TRIM64B: variants seen among roughly 807,000 people sequenced by gnomAD.
TRIM64B encodes the protein tripartite motif-containing protein 64B.
For synonymous variants in TRIM64B, 17 were observed against 190.3 expected (o/e 0.09, Z 7.50); for missense variants, 57 against 536.4 (o/e 0.11, Z 8.83).
chr11:89,877,873 T>C (rs1390187870), upstream of TRIM64B, among the ~76,000 whole-genome samples: 4 of 149,374 alleles, frequency 2.7e-5, no homozygotes, highest in East Asian at 5.9e-4. Flanking sequence ...CTGCCTGCCT[T>C]GGCCTCTCAA....
exon 6 of TRIM64B, chr11:89,870,454 TTTAA>T: frequency 2.4e-6 from 2 of 835,126 alleles, no homozygotes; most frequent in Non-Finnish European, 3.6e-6. Context: ...ATTAAAATAA[TTTAA>T]TTAACAAAAG....
upstream of TRIM64B, among the ~76,000 whole-genome samples, chr11:89,876,668 G>C (rs1184303830): frequency 2.0e-5 from 3 of 148,272 alleles, no homozygotes; most frequent in East Asian, 6.0e-4. Flanking sequence ...GTTGCAGTGA[G>C]CCGAGATCGC....
chr11:89,876,296 G>C, upstream of TRIM64B, among the ~76,000 whole-genome samples: 1 of 143,868 alleles, frequency 7.0e-6, no homozygotes, highest in East Asian at 2.0e-4. Flanking sequence ...TAAATGGTGT[G>C]AATTTGTATG....
chr11:89,872,744 A>G (rs1254435049), intron 4 of TRIM64B, among the ~76,000 whole-genome samples: 6 of 151,892 alleles, frequency 4.0e-5, no homozygotes, highest in African/African-American at 1.5e-4. Flanking sequence ...TGTGCAAAAC[A>G]AAGGAGTCTA....
At chr11:89,873,960 C>A in intron 3 of TRIM64B, 89 bp downstream of exon 4, 1 of 795,312 alleles carries the variant, frequency 1.3e-6, no homozygotes, top group Non-Finnish European at 2.1e-6. Flanking sequence ...TAGCTTAGAG[C>A]AGTGACATAC....
At chr11:89,871,936 A>G (rs1244584286) in intron 5 of TRIM64B, among the ~76,000 whole-genome samples, 3 of 62,258 alleles carry the variant, frequency 4.8e-5, no homozygotes, top group African/African-American at 1.3e-4. Context: ...TGCCGCCATG[A>G]GAACTAGAGT....
At chr11:89,872,597 G>A (rs1284097649) in intron 4 of TRIM64B, among the ~76,000 whole-genome samples, 1 of 151,800 alleles carries the variant, frequency 6.6e-6, no homozygotes, top group African/African-American at 2.4e-5. Flanking sequence ...CCCCTTGAGG[G>A]TATGCAGAAA....
At chr11:89,872,454 CTA>C (rs1267807127) in intron 4 of TRIM64B, 142 bp from the exon 6 acceptor site, 2 of 1,430,764 alleles carry the variant, frequency 1.4e-6, no homozygotes, top group African/African-American at 2.9e-5. Context: ...ATTCCACACT[CTA>C]GGGGCAATAA....
upstream of TRIM64B, among the ~76,000 whole-genome samples, chr11:89,877,085 A>G (rs1290401959): frequency 7.3e-6 from 1 of 136,656 alleles, no homozygotes; most frequent in Non-Finnish European, 1.6e-5. Context: ...AAAGACACTT[A>G]GTATCTATGG....
At chr11:89,876,687 A>T (rs1395386723), upstream of TRIM64B, among the ~76,000 whole-genome samples, 2 of 147,884 alleles carry the variant, frequency 1.4e-5, no homozygotes, top group African/African-American at 4.9e-5. Context: ...GCACCACTGC[A>T]CTCCAGCATG....
chr11:89,872,721 G>C (rs1950123909), intron 4 of TRIM64B, among the ~76,000 whole-genome samples: 1 of 151,764 alleles, frequency 6.6e-6, no homozygotes, highest in South Asian at 2.1e-4. Context: ...TGAGGCAAAA[G>C]GCTTTAATCT....
Position 89,875,731 on chromosome 11 carries a change from T to A in TRIM64B, c.287A>T (p.Glu96Val), listed in dbSNP as rs680295. Reference sequence around the variant, plus strand: ...CTCACAGAAGAGCTCCTTAGTCTCCTCATGGAGCACACAGATATTGTCTGA... The same window carrying A: ...CTCACAGAAGAGCTCCTTAGTCTCCACATGGAGCACACAGATATTGTCTGA... Residue 96 changes from glutamate (E) to valine (V), a missense_variant, in exon 1 of 6, where the codon GAG (glutamate) becomes GTG (valine). Glu to Val is a moderately radical substitution (Grantham distance 121). Transcript: ENST00000329862. 5 of 1,390,028 alleles carry A rather than the reference T, an allele frequency of 3.6e-6. No homozygotes were observed. The South Asian group carries it at 3.9e-5, about 11-fold the overall frequency. The allele number at this position is 1,390,028 out of a possible 1,614,324, so 86.1% of individuals were successfully genotyped here.
At chr11:89,872,922 CTTTTTTTT>C (rs34678191) in intron 4 of TRIM64B, among the ~76,000 whole-genome samples, 8 of 135,926 alleles carry the variant, frequency 5.9e-5, no homozygotes, top group East Asian at 4.3e-4. Flanking sequence ...CTCCCTCTGT[CTTTTTTTT>C]TTTTTTTTTT....
upstream of TRIM64B, among the ~76,000 whole-genome samples, chr11:89,877,706 A>G (rs1590887759): frequency 6.8e-6 from 1 of 147,276 alleles, no homozygotes; most frequent in East Asian, 2.0e-4. Flanking sequence ...TGCAAGCTCC[A>G]CCTCCCAGGT....
intron 5 of TRIM64B, among the ~76,000 whole-genome samples, 195 bp from the exon 7 acceptor site, chr11:89,871,309 G>A (rs1950105555): frequency 6.6e-6 from 1 of 152,202 alleles, no homozygotes; most frequent in African/African-American, 2.4e-5. Context: ...TATTCCTTAA[G>A]TAATAGAGAA....
At chr11:89,876,677 GCAC>G (rs545920998), upstream of TRIM64B, among the ~76,000 whole-genome samples, 12 of 145,406 alleles carry the variant, frequency 8.3e-5, 1 homozygote, top group South Asian at 1.9e-3. Flanking sequence ...AGCCGAGATC[GCAC>G]CACTGCACTC....
chr11:89,875,891 AGCAGAG>A (rs1291773537), exon 1 of TRIM64B: 1 of 1,549,574 alleles, frequency 6.5e-7, no homozygotes, highest in Non-Finnish European at 8.7e-7. Context: ...CCTTCTTCTG[AGCAGAG>A]GCAGAGGCAG....
upstream of TRIM64B, among the ~76,000 whole-genome samples, chr11:89,877,662 C>T (rs1471160141): frequency 6.7e-6 from 1 of 148,800 alleles, no homozygotes; most frequent in African/African-American, 2.4e-5. Flanking sequence ...CTCTGTTACG[C>T]AGGCTGGAGT....
At chr11:89,870,794 G>A (rs1425004210) in exon 6 of TRIM64B, 1 of 1,551,598 alleles carries the variant, frequency 6.4e-7, no homozygotes, top group African/African-American at 1.4e-5. Flanking sequence ...ATTAAAGGTG[G>A]AGAGTTGGTG....
Sources: allele counts gnomAD v4.1 joint callset (sites outside exome capture counted in the v4.1 genomes callset), GRCh38; gene constraint gnomAD v4.1.1; transcripts MANE v1.5; gene names NCBI Gene and HGNC (gene_info 2026-07-23, HGNC 2026-07-21).